Variants in COG4 observed in about 807,000 individuals in gnomAD.
COG4 encodes component of oligomeric golgi complex 4.
A neutral mutation model predicts 95.1 loss-of-function variants in COG4; 65 were observed. That is an observed-to-expected ratio of 0.68 (90% CI 0.56 to 0.84). COG4 has a LOEUF of 0.84. Among genes scored for constraint, COG4 ranks in the 40% least tolerant of loss-of-function variants. The pLI is 0.00. For synonymous variants in COG4, 421 were observed against 374.8 expected (o/e 1.12, Z -1.42); for missense variants, 1,045 against 989.1 (o/e 1.06, Z -0.76).
rs1057435132 is a variant in COG4, at chr16:70,503,778, T to A, written c.1062-2687A>T. ...CCCGGCTAATTTTTTGTATTTTTAG[T>A]AGAGACGGGGTTTCACCGTGTTAGC... On this transcript the variant is annotated intron_variant, in intron 8 of 18. Coordinates refer to ENST00000323786, the MANE Select transcript of COG4 (RefSeq NM_015386.3). Among the ~76,000 whole-genome samples, 6 of 138,908 alleles carry A rather than the reference T, an allele frequency of 4.3e-5. No individual in the cohort carries two copies. The East Asian group carries it at 7.8e-4, about 18-fold the overall frequency. 91.1% of individuals were successfully genotyped at this position (138,908 alleles called of 152,430 possible).
intron 15 of COG4, chr16:70,482,522 G>A: frequency 1.6e-6 from 1 of 637,564 alleles, no homozygotes; most frequent in Non-Finnish European, 2.8e-6. Context: ...AATAAGTTAG[G>A]TCAAGGCAAA....
chr16:70,514,328 T>C lies in COG4; in HGVS notation c.544+7A>G, dbSNP rs1280711261. The stretch of plus-strand genomic sequence containing the variant: ...TAAACTAAAAACCAACAGTTTCGGA[T>C]GCTGACCCTCTTTGCCCTGTCGGCT... On this transcript the variant is annotated splice_region_variant and intron_variant, in intron 4 of 18. Transcript: ENST00000323786. 1.2e-6 allele frequency: 2 copies of C among 1,614,018 alleles called. No individual in the cohort carries two copies. Among genetic ancestry groups the C allele is most frequent in the African/African-American group, 2.7e-5 (2 of 74,928 alleles).
intron 2 of COG4, 91 bp downstream of exon 2, chr16:70,519,558 G>A: frequency 1.2e-6 from 1 of 842,172 alleles, no homozygotes; most frequent in Non-Finnish European, 2.0e-6. Context: ...AGCTGAACTG[G>A]TGTTTATAAC....
chr16:70,499,722 C>T (rs965862049), intron 9 of COG4, among the ~76,000 whole-genome samples: 14 of 151,946 alleles, frequency 9.2e-5, no homozygotes, highest in Non-Finnish European at 1.6e-4. Flanking sequence ...TGCAGTGGCG[C>T]GATCTTGGCT....
chr16:70,499,712 T>G (rs572521761), intron 9 of COG4, among the ~76,000 whole-genome samples: 108 of 152,282 alleles, frequency 7.1e-4, no homozygotes, highest in Non-Finnish European at 9.1e-4. Context: ...CAGGCTGGAG[T>G]GCAGTGGCGC....
rs150745919 is a variant in COG4, at chr16:70,515,102, G to C, written c.370-593C>G. Among the ~76,000 whole-genome samples the C allele has an allele frequency of 2.2e-3, 326 of 150,758 alleles. 1 individual carries two copies. The highest frequency in any genetic ancestry group is 1.1e-3 in the Non-Finnish European group (78 of 67,864). ...GCAATCTTGGCTCACTGCAACCTCT[G>C]CCTCCTGGGTTCAAGCAATCCTCCC... is the stretch of plus-strand genomic sequence containing the variant. On this transcript the variant is annotated intron_variant, in intron 3 of 18. Transcript: ENST00000323786.
chr16:70,485,874 C>T (rs1051810331), intron 13 of COG4, among the ~76,000 whole-genome samples: 12 of 149,892 alleles, frequency 8.0e-5, no homozygotes, highest in East Asian at 5.9e-4. Context: ...CGTGAACCAC[C>T]GTGTACGGCC....
intron 13 of COG4, among the ~76,000 whole-genome samples, chr16:70,489,385 T>C (rs2049198449): frequency 6.6e-6 from 1 of 151,636 alleles, no homozygotes; most frequent in Non-Finnish European, 1.5e-5. Flanking sequence ...GGCTGGCTCA[T>C]TTTTTGTATT....
intron 8 of COG4, among the ~76,000 whole-genome samples, chr16:70,504,783 C>T (rs771794006): frequency 4.6e-5 from 7 of 151,140 alleles, no homozygotes; most frequent in Non-Finnish European, 5.9e-5. Context: ...ACTGGTGGGG[C>T]GCCTGTAATC....
At chr16:70,517,472 T>C (rs1567397447) in intron 3 of COG4, among the ~76,000 whole-genome samples, 154 bp downstream of exon 3, 1 of 150,730 alleles carries the variant, frequency 6.6e-6, no homozygotes, top group South Asian at 2.1e-4. Context: ...CCCGTAGTCC[T>C]AGCTCCTCAG....
Position 70,497,922 on chromosome 16 carries a change from C to T in COG4, c.1314+15G>A, listed in dbSNP as rs760842896. On this transcript the variant is annotated intron_variant, in intron 10 of 18. Coordinates refer to ENST00000323786, the MANE Select transcript of COG4 (RefSeq NM_015386.3). ...CCGGAAGCCCCATTTCCAAGAGATG[C>T]GTCCTATGTCCTACCTTATTGACAG... is the stretch of plus-strand genomic sequence containing the variant. The T allele has an allele frequency of 6.3e-6, 9 of 1,430,754 alleles. No individual in the cohort carries two copies. The highest frequency in any genetic ancestry group is 5.0e-5 in the Admixed American group (3 of 59,750). The allele number at this position is 1,430,754 out of a possible 1,614,324, so 88.6% of individuals were successfully genotyped here.
At chr16:70,492,204 A>G (rs1318505084) in intron 12 of COG4, among the ~76,000 whole-genome samples, 1 of 152,102 alleles carries the variant, frequency 6.6e-6, no homozygotes, top group Non-Finnish European at 1.5e-5. Flanking sequence ...CTTCCCCCAT[A>G]ATTTGCCCTA....
intron 12 of COG4, among the ~76,000 whole-genome samples, chr16:70,495,090 A>G (rs2049312505): frequency 6.6e-6 from 1 of 152,006 alleles, no homozygotes; most frequent in Non-Finnish European, 1.5e-5. Flanking sequence ...GGGGTCACAG[A>G]TCCTTTTAAG....
chr16:70,509,802 C>A (rs1435289275), intron 6 of COG4, 114 bp downstream of exon 6: 5 of 786,204 alleles, frequency 6.4e-6, no homozygotes, highest in Non-Finnish European at 8.7e-6. Context: ...AATTAATACA[C>A]AATAAACTAC....
At chr16:70,495,919 G>T (rs903194516) in intron 12 of COG4, among the ~76,000 whole-genome samples, 1 of 152,252 alleles carries the variant, frequency 6.6e-6, no homozygotes, top group African/African-American at 2.4e-5. Context: ...CAGAGAAGCA[G>T]TCTGGTGGTC....
chr16:70,510,695 A>T (rs1390704626), intron 5 of COG4, among the ~76,000 whole-genome samples: 4 of 152,180 alleles, frequency 2.6e-5, no homozygotes, highest in African/African-American at 9.6e-5. Context: ...TTACTGGATT[A>T]AAGGTAGAAG....
At chr16:70,522,932 G>C (rs2049982271) in intron 1 of COG4, among the ~76,000 whole-genome samples, 1 of 152,180 alleles carries the variant, frequency 6.6e-6, no homozygotes, top group South Asian at 2.1e-4. Flanking sequence ...CTCCCCACAA[G>C]AGGAAGTCTT....
At chr16:70,495,345 C>T (rs1014532755) in intron 12 of COG4, among the ~76,000 whole-genome samples, 4 of 146,842 alleles carry the variant, frequency 2.7e-5, no homozygotes, top group African/African-American at 1.0e-4. Context: ...TGCAGTGAGC[C>T]AAGGTCATGC....
Position 70,490,326 on chromosome 16 carries a change from G to C in COG4, c.1710+4C>G. Reference sequence around the variant, plus strand: ...TGACCACTGATAGGCAATTTCCCTCGTACCTCCAGTGTCTTCTTCAGAGTG... The same window carrying C: ...TGACCACTGATAGGCAATTTCCCTCCTACCTCCAGTGTCTTCTTCAGAGTG... On this transcript the variant is annotated splice_donor_region_variant and intron_variant, in intron 13 of 18. Transcript: ENST00000323786. The C allele has an allele frequency of 6.2e-7, 1 of 1,612,324 alleles. No homozygotes were observed. Among genetic ancestry groups the C allele is most frequent in the Non-Finnish European group, 8.5e-7 (1 of 1,178,496 alleles).
Sources: allele counts gnomAD v4.1 joint callset (sites outside exome capture counted in the v4.1 genomes callset), GRCh38; gene constraint gnomAD v4.1.1; transcripts MANE v1.5; gene names NCBI Gene and HGNC (gene_info 2026-07-23, HGNC 2026-07-21).